The following EYA3 variants were observed in gnomAD, a reference collection of about 807,000 sequenced individuals.
EYA3 encodes the protein protein phosphatase EYA3.
EYA3 carries 39 observed loss-of-function variants against 80.0 expected under a neutral mutation model. That is an observed-to-expected ratio of 0.49 (90% CI 0.38 to 0.64). The LOEUF is 0.64. Ranked by LOEUF, EYA3 falls within the 30% of genes least tolerant of loss-of-function variation. The probability of loss-of-function intolerance (pLI) is 0.00; values close to 1 mark genes in which losing one functional copy is unlikely to be tolerated. For synonymous variants in EYA3, 206 were observed against 232.8 expected (o/e 0.88, Z 1.05); for missense variants, 523 against 676.1 (o/e 0.77, Z 2.51).
Position 28,004,323 on chromosome 1 carries a change from A to G in EYA3, c.993+13T>C, listed in dbSNP as rs1323181168. Reference sequence around the variant, plus strand: ...AGAAGAGGGACAGTTACAACAAAGAAGACTCAAATTACCTTTCCATATTTC... The same window carrying G: ...AGAAGAGGGACAGTTACAACAAAGAGGACTCAAATTACCTTTCCATATTTC... On this transcript the variant is annotated intron_variant, in intron 11 of 17. Coordinates refer to ENST00000373871, the MANE Select transcript of EYA3 (RefSeq NM_001990.4). 3 of 1,578,302 alleles carry G rather than the reference A, an allele frequency of 1.9e-6. No homozygotes were observed. The highest frequency in any genetic ancestry group is 1.7e-6 in the Non-Finnish European group (2 of 1,150,874).
intron 11 of EYA3, among the ~76,000 whole-genome samples, chr1:28,003,142 C>T (rs1401604926): frequency 1.3e-5 from 2 of 149,808 alleles, no homozygotes; most frequent in Non-Finnish European, 3.0e-5. Context: ...TGGTGGCAGG[C>T]GCCTGTAGTC....
At chr1:28,033,795 C>T (rs1643290673) in intron 6 of EYA3, among the ~76,000 whole-genome samples, 1 of 146,884 alleles carries the variant, frequency 6.8e-6, no homozygotes, top group South Asian at 2.3e-4. Context: ...GCTGGGATTA[C>T]AGGTGCCCAC....
At chr1:28,012,801 AACTTTT>A (rs1322429627) in intron 9 of EYA3, among the ~76,000 whole-genome samples, 1 of 152,214 alleles carries the variant, frequency 6.6e-6, no homozygotes, top group Non-Finnish European at 1.5e-5. Context: ...GGAGTCCTCC[AACTTTT>A]ACAAAATATT....
At chr1:28,047,050 T>G (rs558338904) in intron 3 of EYA3, among the ~76,000 whole-genome samples, 2 of 152,214 alleles carry the variant, frequency 1.3e-5, no homozygotes, top group South Asian at 4.1e-4. Flanking sequence ...CATCTTGCTA[T>G]GTCGCCCAGG....
At position 27,970,967 on chromosome 1, in the gene EYA3, T is replaced by C. The variant is rs1638703599; in HGVS notation, c.*3499A>G. 1 of 152,242 alleles carries C rather than the reference T, an allele frequency of 6.6e-6. No homozygotes were observed. The highest frequency in any genetic ancestry group is 2.4e-5 in the African/African-American group (1 of 41,454). The allele number at this position is 152,242 out of a possible 1,614,324, so 9.4% of individuals were successfully genotyped here. A position where few individuals can be genotyped will look rare whatever the true frequency, so the allele number is the denominator to read the frequency against. ...AGCTCCACATGCTGCAGCTAGAGTT[T>C]GCAAGTCAGATTCTATTTGGAATTT... On this transcript the variant is annotated 3_prime_UTR_variant, in exon 18 of 18. Transcript: ENST00000373871.
chr1:28,068,065 T>C (rs1644894788), intron 1 of EYA3, among the ~76,000 whole-genome samples: 1 of 152,046 alleles, frequency 6.6e-6, no homozygotes, highest in African/African-American at 2.4e-5. Context: ...TAAAATTACA[T>C]TCCTTTATGC....
intron 2 of EYA3, among the ~76,000 whole-genome samples, chr1:28,049,971 C>A (rs1324358777): frequency 1.3e-5 from 2 of 151,818 alleles, no homozygotes; most frequent in African/African-American, 2.4e-5. Flanking sequence ...AATGTAATTA[C>A]GAGCTGGTTG....
intron 1 of EYA3, among the ~76,000 whole-genome samples, chr1:28,086,292 T>C (rs1645649780): frequency 6.6e-6 from 1 of 152,110 alleles, no homozygotes; most frequent in African/African-American, 2.4e-5. Flanking sequence ...CAGCTCACTG[T>C]AACCTCAAAA....
chr1:28,076,380 A>G (rs1645199956), intron 1 of EYA3, among the ~76,000 whole-genome samples: 1 of 152,174 alleles, frequency 6.6e-6, no homozygotes, highest in South Asian at 2.1e-4. Flanking sequence ...TTTAGGCTCT[A>G]ACAAATTCTT....
At position 28,013,331 on chromosome 1, in the gene EYA3, T is replaced by G; in HGVS notation, c.586-37A>C. On this transcript the variant is annotated intron_variant, in intron 8 of 17. Transcript: ENST00000373871. The surrounding 1 kb of genome is among the most constrained non-coding windows in gnomAD (Gnocchi z 4.0). ...AGGAAATAAGAAAACAAGACTCTTA[T>G]AGCATACATTAATCTCAACACAAGA... is the stretch of plus-strand genomic sequence containing the variant. The G allele has an allele frequency of 2.0e-6, 3 of 1,495,122 alleles. No individual in the cohort carries two copies. The highest frequency in any genetic ancestry group is 4.7e-5 in the East Asian group (2 of 43,006). The allele number at this position is 1,495,122 out of a possible 1,614,324, so 92.6% of individuals were successfully genotyped here.
chr1:28,038,838 C>A lies in EYA3; in HGVS notation c.224+1G>T. On this transcript the variant is annotated splice_donor_variant, in intron 5 of 17. Coordinates refer to ENST00000373871, the MANE Select transcript of EYA3 (RefSeq NM_001990.4). LOFTEE classifies it high-confidence loss of function. ...ATTTTGGAAATAATTATTCAACTTA[C>A]TTTGCAGAATACATTTGTGAGGTAT... is the stretch of plus-strand genomic sequence containing the variant. 1 of 1,545,522 alleles carries A rather than the reference C, an allele frequency of 6.5e-7. No individual in the cohort carries two copies. The highest frequency in any genetic ancestry group is 8.8e-7 in the Non-Finnish European group (1 of 1,135,852).
intron 10 of EYA3, 30 bp from the exon 11 acceptor site, chr1:28,004,449 T>A (rs1278037989): frequency 6.5e-7 from 1 of 1,526,752 alleles, no homozygotes; most frequent in South Asian, 1.2e-5. Context: ...AAAATGAGTA[T>A]ATTTTCCAAT....
chr1:28,047,412 A>G (rs1003455377), intron 3 of EYA3, among the ~76,000 whole-genome samples: 1 of 152,156 alleles, frequency 6.6e-6, no homozygotes, highest in African/African-American at 2.4e-5. Context: ...TTTAATTGAT[A>G]GTTTAAGACA....
chr1:28,013,191 G>A lies in EYA3; in HGVS notation c.689C>T (p.Thr230Ile), dbSNP rs1641811521. 1 of 1,614,098 alleles carries A rather than the reference G, an allele frequency of 6.2e-7. No individual in the cohort carries two copies. Among genetic ancestry groups the A allele is most frequent in the Non-Finnish European group, 8.5e-7 (1 of 1,179,990 alleles). ...CTGGTATGTGGTTGCTGCTAATGTG[G>A]TGCTCTCTGCATCACTGTTAGTCTG... ...TGQTNSDAES[T>I]TLAATTYQSE... Residue 230 changes from threonine (T) to isoleucine (I), a missense_variant, in exon 9 of 18, where the codon ACC (threonine) becomes ATC (isoleucine). Transcript: ENST00000373871. The surrounding 1 kb of genome is among the most constrained non-coding windows in gnomAD (Gnocchi z 4.0).
At chr1:28,005,732 CA>C (rs754551716) in intron 10 of EYA3, among the ~76,000 whole-genome samples, 1 of 150,948 alleles carries the variant, frequency 6.6e-6, no homozygotes, top group Non-Finnish European at 1.5e-5. Flanking sequence ...ACCCAAAAAA[CA>C]AAAAACCCCC....
chr1:28,017,370 C>T (rs370446159), intron 7 of EYA3, 131 bp from the exon 8 acceptor site: 18 of 638,774 alleles, frequency 2.8e-5, no homozygotes, highest in Middle Eastern at 3.6e-4. Context: ...AACAAACACT[C>T]GTTTTGCTTT....
chr1:27,993,015 T>G (rs1490614958), intron 14 of EYA3, among the ~76,000 whole-genome samples: 1 of 152,174 alleles, frequency 6.6e-6, no homozygotes, highest in South Asian at 2.1e-4. Context: ...CCACGAAAAG[T>G]TACTAGCTAG....
chr1:28,019,190 CAACAAA>C (rs1642265209), intron 7 of EYA3, among the ~76,000 whole-genome samples: 1 of 151,912 alleles, frequency 6.6e-6, no homozygotes, highest in African/African-American at 2.4e-5. Context: ...AAAATTAAAA[CAACAAA>C]AACAAAAACA....
intron 16 of EYA3, among the ~76,000 whole-genome samples, chr1:27,987,510 C>T (rs549844818): frequency 9.9e-5 from 15 of 152,240 alleles, no homozygotes; most frequent in East Asian, 3.9e-4. Flanking sequence ...CAGATATTTA[C>T]GCAGAAGATT....
Sources: allele counts gnomAD v4.1 joint callset (sites outside exome capture counted in the v4.1 genomes callset), GRCh38; gene constraint gnomAD v4.1.1; non-coding constraint Gnocchi (gnomAD v3.1); transcripts MANE v1.5; gene names NCBI Gene and HGNC (gene_info 2026-07-23, HGNC 2026-07-21).